AGPAT3: variants seen among roughly 807,000 people sequenced by gnomAD.
AGPAT3 encodes the protein 1-acylglycerol-3-phosphate O-acyltransferase 3.
A neutral mutation model predicts 47.3 loss-of-function variants in AGPAT3; 5 were observed. The observed-to-expected ratio is 0.11, with a 90% CI of 0.06 to 0.22. The LOEUF (loss-of-function observed/expected upper bound fraction) is 0.22. Among genes scored for constraint, AGPAT3 ranks in the 10% least tolerant of loss-of-function variants. The pLI, the probability that AGPAT3 is intolerant of heterozygous loss-of-function variation, is 1.00. For synonymous variants in AGPAT3, 212 were observed against 208.3 expected (o/e 1.02, Z -0.15); for missense variants, 315 against 493.0 (o/e 0.64, Z 3.42).
chr21:43,919,376 A>G (rs1053730271), intron 2 of AGPAT3, among the ~76,000 whole-genome samples: 4 of 152,024 alleles, frequency 2.6e-5, no homozygotes, highest in Non-Finnish European at 5.9e-5. Context: ...CTTAGCTCCC[A>G]CTTATAAGTG....
rs1224544185 is a variant in AGPAT3 at position 43,968,064 on chromosome 21, G to A, written c.297G>A (p.Glu99=). 3.7e-6 allele frequency: 6 copies of A among 1,613,956 alleles called. No individual in the cohort carries two copies. In the South Asian group the frequency reaches 5.5e-5, roughly 15 times the overall value. ...HAVIILNHNF[E]IDFLCGWTMC... ...TCATCATCCTCAACCACAACTTCGA[G>A]ATCGACTTCCTCTGTGGGTGGACCA... Residue 99 remains glutamate, a synonymous_variant, in exon 4 of 10, where the codon GAG becomes GAA. Coordinates refer to ENST00000291572, the MANE Select transcript of AGPAT3 (RefSeq NM_020132.5).
At chr21:43,894,071 C>T (rs1394481072) in intron 1 of AGPAT3, among the ~76,000 whole-genome samples, 4 of 152,210 alleles carry the variant, frequency 2.6e-5, no homozygotes, top group Non-Finnish European at 5.9e-5. Context: ...AGTGAACAAG[C>T]TTCCTTCCGG....
At chr21:43,980,211 G>A (rs986006117) in intron 8 of AGPAT3, among the ~76,000 whole-genome samples, 2 of 150,540 alleles carry the variant, frequency 1.3e-5, no homozygotes, top group Admixed American at 1.3e-4. Context: ...GGGAGACAGA[G>A]GTTGCAGTGA....
intron 2 of AGPAT3, among the ~76,000 whole-genome samples, chr21:43,917,167 C>T (rs2086749855): frequency 6.6e-6 from 1 of 150,674 alleles, no homozygotes; most frequent in Non-Finnish European, 1.5e-5. Context: ...ACGGTAAGCA[C>T]CCCCGCCCCC....
intron 3 of AGPAT3, chr21:43,966,142 G>GA (rs1433314232): frequency 6.6e-6 from 1 of 152,300 alleles, no homozygotes; most frequent in East Asian, 1.9e-4. Context: ...GGCTGCCTTT[G>GA]CATGCCGACA....
Position 43,920,712 on chromosome 21 carries a change from G to A in AGPAT3, c.-49+16693G>A, listed in dbSNP as rs981455155. Among the ~76,000 whole-genome samples, 1 of 151,250 alleles carries A rather than the reference G, an allele frequency of 6.6e-6. No homozygotes were observed. The highest frequency in any genetic ancestry group is 2.4e-5 in the African/African-American group (1 of 41,064). On this transcript the variant is annotated intron_variant, in intron 2 of 9. Coordinates refer to ENST00000291572, the MANE Select transcript of AGPAT3 (RefSeq NM_020132.5). The surrounding 1 kb of genome is among the most constrained non-coding windows in gnomAD (Gnocchi z 6.1). The stretch of plus-strand genomic sequence containing the variant: ...CGTTTGGGGGCTTGCAGGCTGCTAA[G>A]CACGGGGAGGTTCCCGGAGGGTGGA...
In AGPAT3 at chr21:43,955,118, C is replaced by T. The variant is rs1490738542; in HGVS notation, c.-48-4516C>T. 11 of 1,274,580 alleles carry T rather than the reference C, an allele frequency of 8.6e-6. No homozygotes were observed. Among genetic ancestry groups the T allele is most frequent in the Middle Eastern group, 2.2e-4 (1 of 4,552 alleles). The allele number at this position is 1,274,580 out of a possible 1,614,324, so 79.0% of individuals were successfully genotyped here. On this transcript the variant is annotated intron_variant, in intron 2 of 9. Transcript: ENST00000291572. This position sits in a 1 kb window ranked among gnomAD's most constrained non-coding sequence, Gnocchi z 4.1. ...GCGTATCACCGTGGCACGTCCATGC[C>T]GTGGGGGTCACTCAGCAGCCACGGA...
In AGPAT3 at chr21:43,970,071, T is replaced by C. The variant is rs139391207; in HGVS notation, c.511-582T>C. On this transcript the variant is annotated intron_variant, in intron 5 of 9. Coordinates refer to ENST00000291572, the MANE Select transcript of AGPAT3 (RefSeq NM_020132.5). This position sits in a 1 kb window ranked among gnomAD's most constrained non-coding sequence, Gnocchi z 5.8. ...TCACCCAGGCTAGAGTGCAGTGGCA[T>C]GATCTCAGCTCACTGCAACCTCTGC... is the stretch of plus-strand genomic sequence containing the variant. Among the ~76,000 whole-genome samples the C allele has an allele frequency of 1.2e-4, 18 of 152,164 alleles. No individual in the cohort carries two copies. The East Asian group carries it at 3.5e-3, about 29-fold the overall frequency.
intron 2 of AGPAT3, among the ~76,000 whole-genome samples, chr21:43,943,025 C>T (rs1425145890): frequency 6.6e-6 from 1 of 152,194 alleles, no homozygotes; most frequent in Non-Finnish European, 1.5e-5. Context: ...CTCCCCAGGG[C>T]TGGGTGGCCA....
Position 43,969,129 on chromosome 21 carries a change from C to T in AGPAT3, c.360C>T (p.Val120=). ...TCTCCTCCCTCCAGAGCTCCAAGGT[C>T]CTCGCTAAGAAGGAGCTGCTCTACG... ...ERFGVLGSSK[V]LAKKELLYVP... The change falls in exon 5 of 10, where the codon GTC becomes GTT. Residue 120 remains valine (V), a synonymous_variant. Transcript: ENST00000291572. The T allele has an allele frequency of 1.2e-6, 2 of 1,614,150 alleles. No homozygotes were observed. Among genetic ancestry groups the T allele is most frequent in the African/African-American group, 1.3e-5 (1 of 75,054 alleles).
intron 1 of AGPAT3, among the ~76,000 whole-genome samples, chr21:43,897,811 G>T (rs997423765): frequency 1.3e-5 from 2 of 152,200 alleles, no homozygotes; most frequent in Non-Finnish European, 2.9e-5. Flanking sequence ...GGAGGTTGTA[G>T]CGAGCCGAGA....
At chr21:43,943,962 G>A (rs1185795814) in intron 2 of AGPAT3, among the ~76,000 whole-genome samples, 4 of 152,236 alleles carry the variant, frequency 2.6e-5, no homozygotes, top group Admixed American at 1.3e-4. Flanking sequence ...GGGCCCAGTG[G>A]TGGCAGCTTC....
At chr21:43,928,392 T>G (rs1453831128) in intron 2 of AGPAT3, among the ~76,000 whole-genome samples, 1 of 152,130 alleles carries the variant, frequency 6.6e-6, no homozygotes, top group Non-Finnish European at 1.5e-5. Flanking sequence ...CGAGTTCTGT[T>G]TCCCCACCCC....
At chr21:43,902,138 T>C (rs1202768729) in intron 1 of AGPAT3, among the ~76,000 whole-genome samples, 1 of 152,174 alleles carries the variant, frequency 6.6e-6, no homozygotes, top group Non-Finnish European at 1.5e-5. Flanking sequence ...CCGAGAATCC[T>C]GAAAGTAGAC....
chr21:43,971,503 C>T lies in AGPAT3; in HGVS notation c.767+13C>T, dbSNP rs2089392228. 3.1e-6 allele frequency: 5 copies of T among 1,613,132 alleles called. No homozygotes were observed. Among genetic ancestry groups the T allele is most frequent in the Non-Finnish European group, 4.2e-6 (5 of 1,179,118 alleles). On this transcript the variant is annotated intron_variant, in intron 7 of 9. Transcript: ENST00000291572. The stretch of plus-strand genomic sequence containing the variant: ...ACATGTGCGTGAGGTGAGGCCAGAC[C>T]CTGTGGCTCTCGCGCCGCCCCCCAT...
chr21:43,959,900 C>A, intron 3 of AGPAT3, 41 bp downstream of exon 3: 1 of 1,561,184 alleles, frequency 6.4e-7, no homozygotes, highest in Non-Finnish European at 8.6e-7. Flanking sequence ...CTGGGGCTCC[C>A]GTGGGGGTGG....
rs547555313 is a variant in AGPAT3, at chr21:43,875,814, GC to G, written c.-112+10471del. On this transcript the variant is annotated intron_variant, in intron 1 of 9. Transcript: ENST00000291572. ...GTAGAGACGGGGTTTCACCCATTTGGCCAGGCTGGTCTCAAATTCCTGACCT... is the reference window on the plus strand; with the variant it reads ...GTAGAGACGGGGTTTCACCCATTTGGCAGGCTGGTCTCAAATTCCTGACCT... 4.5e-4 allele frequency among the ~76,000 whole-genome samples: 69 copies of G among 152,340 alleles called. 1 individual carries two copies. Among genetic ancestry groups the G allele is most frequent in the African/African-American group, 1.5e-3 (62 of 41,574 alleles).
At chr21:43,949,373 C>T (rs2088072138) in intron 2 of AGPAT3, among the ~76,000 whole-genome samples, 1 of 152,200 alleles carries the variant, frequency 6.6e-6, no homozygotes, top group African/African-American at 2.4e-5. Context: ...GCTAGAGCTG[C>T]CTGGAGAACC....
chr21:43,883,719 A>G (rs1333647046), intron 1 of AGPAT3, among the ~76,000 whole-genome samples: 1 of 152,102 alleles, frequency 6.6e-6, no homozygotes, highest in African/African-American at 2.4e-5. Flanking sequence ...TCAGGCACCC[A>G]AGTAGCTGAG....
Sources: gnomAD v4.1 joint callset for allele counts (sites outside exome capture counted in the v4.1 genomes callset) on GRCh38, gnomAD v4.1.1 for gene constraint, Gnocchi (gnomAD v3.1) non-coding constraint, MANE v1.5 for transcripts, NCBI Gene and HGNC (gene_info 2026-07-23, HGNC 2026-07-21) for gene names.